RBFOX1: variants seen among roughly 807,000 people sequenced by gnomAD.
The protein encoded by RBFOX1 is RNA binding fox-1 homolog 1, also known as RNA binding protein fox-1 homolog 1.
RBFOX1 carries 8 observed loss-of-function variants against 57.7 expected under a neutral mutation model. The observed-to-expected ratio is 0.14, with a 90% CI of 0.08 to 0.25. The LOEUF is 0.25. Ranked by LOEUF, RBFOX1 falls within the 10% of genes least tolerant of loss-of-function variation. The probability of loss-of-function intolerance (pLI) is 1.00; values close to 1 mark genes in which losing one functional copy is unlikely to be tolerated. For synonymous variants in RBFOX1, 326 were observed against 222.4 expected (o/e 1.47, Z -4.15); for missense variants, 611 against 548.5 (o/e 1.11, Z -1.14).
At chr16:6,648,593 A>G (rs1179160218) in intron 2 of RBFOX1, among the ~76,000 whole-genome samples, 1 of 152,048 alleles carries the variant, frequency 6.6e-6, no homozygotes, top group Non-Finnish European at 1.5e-5. Context: ...CCACTGCCAC[A>G]TCCCCTGGAG....
chr16:7,073,582 C>T (rs190495149), intron 4 of RBFOX1, among the ~76,000 whole-genome samples: 14 of 152,234 alleles, frequency 9.2e-5, no homozygotes, highest in East Asian at 3.9e-4. Context: ...GAGGCTCACA[C>T]GTGTAATCCC....
At chr16:7,300,021 A>C (rs2095994049) in intron 4 of RBFOX1, among the ~76,000 whole-genome samples, 1 of 152,228 alleles carries the variant, frequency 6.6e-6, no homozygotes, top group African/African-American at 2.4e-5. Flanking sequence ...AGCGGGATGC[A>C]AGAGGGGCTT....
chr16:6,457,340 G>T (rs558550262), intron 2 of RBFOX1, among the ~76,000 whole-genome samples: 1 of 151,954 alleles, frequency 6.6e-6, no homozygotes, highest in South Asian at 2.1e-4. Flanking sequence ...GGCATTGGAT[G>T]ATAGACTCAA....
chr16:7,308,809 C>T (rs1170066320), intron 4 of RBFOX1, among the ~76,000 whole-genome samples: 2 of 152,172 alleles, frequency 1.3e-5, no homozygotes, highest in African/African-American at 2.4e-5. Flanking sequence ...CATGCACCAG[C>T]CACGGTTATA....
At chr16:6,188,878 A>G (rs2152805587) in intron 1 of RBFOX1, among the ~76,000 whole-genome samples, 1 of 148,984 alleles carries the variant, frequency 6.7e-6, no homozygotes, top group East Asian at 2.0e-4. Flanking sequence ...GTAGTGGACT[A>G]AAACACCAGT....
intron 2 of RBFOX1, among the ~76,000 whole-genome samples, chr16:6,334,819 A>T (rs897772299): frequency 6.6e-6 from 1 of 152,194 alleles, no homozygotes; most frequent in Non-Finnish European, 1.5e-5. Context: ...GGTAACATAT[A>T]TACCAGCTTT....
intron 5 of RBFOX1, among the ~76,000 whole-genome samples, chr16:7,527,138 A>G (rs1004823564): frequency 6.6e-6 from 1 of 152,136 alleles, no homozygotes; most frequent in African/African-American, 2.4e-5. Context: ...TGACAGTGTG[A>G]CTGAGCTGTT....
Position 5,613,406 on chromosome 16 carries a change from C to G in RBFOX1, c.318+14445C>G, listed in dbSNP as rs574008899. ...GGTGCAACGTTACCCTCACCTGCAT[C>G]CCATATATGTAGGGATCTTCCACTT... is the stretch of plus-strand genomic sequence containing the variant. On this transcript the variant is annotated intron_variant, in intron 3 of 19. Transcript: ENST00000641259. Among the ~76,000 whole-genome samples, 10 of 152,246 alleles carry G rather than the reference C, an allele frequency of 6.6e-5. No homozygotes were observed. The South Asian group carries it at 2.1e-3, about 32-fold the overall frequency.
At chr16:6,241,461 TA>T (rs138569767) in intron 1 of RBFOX1, among the ~76,000 whole-genome samples, 16 of 151,440 alleles carry the variant, frequency 1.1e-4, no homozygotes, top group East Asian at 7.8e-4. Flanking sequence ...TATAAATAGC[TA>T]AAAAAAAATC....
chr16:5,667,355 G>T (rs2049881615), intron 3 of RBFOX1, among the ~76,000 whole-genome samples: 1 of 152,206 alleles, frequency 6.6e-6, no homozygotes, highest in South Asian at 2.1e-4. Flanking sequence ...GCTGTGTCCT[G>T]TCACGTTTGC....
intron 2 of RBFOX1, among the ~76,000 whole-genome samples, chr16:6,585,386 G>T (rs934435078): frequency 6.6e-6 from 1 of 152,102 alleles, no homozygotes; most frequent in Non-Finnish European, 1.5e-5. Flanking sequence ...ATCTCTTCTT[G>T]ACTTTTACTT....
intron 4 of RBFOX1, among the ~76,000 whole-genome samples, chr16:7,137,799 G>C (rs1320407157): frequency 6.6e-6 from 1 of 152,162 alleles, no homozygotes; most frequent in African/African-American, 2.4e-5. Flanking sequence ...ACTCCAAAAG[G>C]GGAAGGTTGT....
chr16:5,353,813 A>G (rs938756), intron 1 of RBFOX1, among the ~76,000 whole-genome samples: 130,631 of 151,652 alleles, frequency 0.86, 58,643 homozygotes, highest in East Asian at 1. Flanking sequence ...GCTTGCTCGC[A>G]TCCGGTCTCC....
intron 4 of RBFOX1, among the ~76,000 whole-genome samples, chr16:7,331,827 A>T (rs2096701379): frequency 6.6e-6 from 1 of 152,190 alleles, no homozygotes; most frequent in Non-Finnish European, 1.5e-5. Flanking sequence ...AATTGGAATT[A>T]ATTCCAATTC....
chr16:7,619,788 A>G (rs984159563), intron 10 of RBFOX1, among the ~76,000 whole-genome samples: 1 of 151,950 alleles, frequency 6.6e-6, no homozygotes, highest in Non-Finnish European at 1.5e-5. Flanking sequence ...CTAATCAGAG[A>G]TTGCAAACTA....
At chr16:7,037,127 G>T (rs1479677721) in intron 3 of RBFOX1, among the ~76,000 whole-genome samples, 1 of 151,484 alleles carries the variant, frequency 6.6e-6, no homozygotes, top group East Asian at 1.9e-4. Context: ...TATCAGCAAG[G>T]TCCTTACGAC....
chr16:7,303,324 C>A (rs1036031645), intron 4 of RBFOX1, among the ~76,000 whole-genome samples: 2 of 152,170 alleles, frequency 1.3e-5, no homozygotes, highest in Non-Finnish European at 2.9e-5. Context: ...TCCCTCCTGC[C>A]CCCAGCCCCT....
chr16:7,499,249 A>C (rs960560389), intron 4 of RBFOX1, among the ~76,000 whole-genome samples: 3 of 152,158 alleles, frequency 2.0e-5, no homozygotes, highest in Non-Finnish European at 4.4e-5. Flanking sequence ...AATCTTTGGC[A>C]TCCCTTGAGT....
intron 3 of RBFOX1, among the ~76,000 whole-genome samples, chr16:5,755,852 C>T (rs1233659993): frequency 1.3e-5 from 2 of 152,132 alleles, no homozygotes; most frequent in Admixed American, 6.5e-5. Flanking sequence ...CCTGCCTCGG[C>T]CTCCCAAAGT....
Sources: gnomAD v4.1 joint callset for allele counts (sites outside exome capture counted in the v4.1 genomes callset) on GRCh38, gnomAD v4.1.1 for gene constraint, MANE v1.5 for transcripts, NCBI Gene and HGNC (gene_info 2026-07-23, HGNC 2026-07-21) for gene names.